Variants in NCKAP5 observed in about 807,000 individuals in gnomAD.
The protein encoded by NCKAP5 is nck-associated protein 5.
A neutral mutation model predicts 167.0 loss-of-function variants in NCKAP5; 92 were observed. That is an observed-to-expected ratio of 0.55 (90% CI 0.47 to 0.66). The LOEUF is 0.66. NCKAP5 is among the 30% of genes least tolerant of loss of function. The pLI is 0.00. For synonymous variants in NCKAP5, 891 were observed against 877.4 expected, an observed-to-expected ratio of 1.02 and a Z score of -0.27; for missense variants, 2,378 against 2,315.0, an observed-to-expected ratio of 1.03 and a Z score of -0.56.
chr2:133,211,381 C>T (rs1049479654), intron 5 of NCKAP5, among the ~76,000 whole-genome samples: 2 of 152,090 alleles, frequency 1.3e-5, no homozygotes, highest in African/African-American at 2.4e-5. Context: ...CAGGCATGCA[C>T]CACCACGCCT....
chr2:133,045,343 A>G (rs2079358943), intron 6 of NCKAP5, among the ~76,000 whole-genome samples: 1 of 151,920 alleles, frequency 6.6e-6, no homozygotes, highest in Non-Finnish European at 1.5e-5. Context: ...TAGACTTGAG[A>G]CCCATGAAAA....
chr2:132,769,791 A>G (rs1416952390), intron 16 of NCKAP5, among the ~76,000 whole-genome samples: 2 of 152,196 alleles, frequency 1.3e-5, no homozygotes, highest in Non-Finnish European at 2.9e-5. Context: ...GATGTAGTCT[A>G]TGGGGGAACT....
chr2:133,148,232 A>C (rs1291962490), intron 5 of NCKAP5, among the ~76,000 whole-genome samples: 1 of 152,112 alleles, frequency 6.6e-6, no homozygotes, highest in Non-Finnish European at 1.5e-5. Context: ...TATGGAAGCC[A>C]TTTCCACTGT....
At chr2:133,320,698 A>G (rs1363675128) in intron 3 of NCKAP5, among the ~76,000 whole-genome samples, 1 of 152,188 alleles carries the variant, frequency 6.6e-6, no homozygotes, top group Non-Finnish European at 1.5e-5. Flanking sequence ...ACTGCACTCC[A>G]GCGAGACTCT....
intron 5 of NCKAP5, among the ~76,000 whole-genome samples, chr2:133,152,918 A>G (rs1346673413): frequency 6.6e-6 from 1 of 152,218 alleles, no homozygotes; most frequent in Non-Finnish European, 1.5e-5. Flanking sequence ...AGGCCATACC[A>G]TATAGCCTAG....
chr2:132,680,137 A>G (rs959049845), intron 19 of NCKAP5, among the ~76,000 whole-genome samples: 2 of 152,142 alleles, frequency 1.3e-5, no homozygotes, highest in African/African-American at 2.4e-5. Flanking sequence ...TCAAATTTCA[A>G]CTTGGATATT....
Position 132,767,106 on chromosome 2 carries a change from C to CT in NCKAP5, c.5128+6709dup, listed in dbSNP as rs985669117. On this transcript the variant is annotated intron_variant, in intron 16 of 19. Transcript: ENST00000409261. ...AGTAGGGTTCTACCACAAAACAACT[C>CT]TTTTTTCCCCGGCAATGATTCTTGT... is the stretch of plus-strand genomic sequence containing the variant. Among the ~76,000 whole-genome samples, 13 of 152,272 alleles carry CT rather than the reference C, an allele frequency of 8.5e-5. No individual in the cohort carries two copies. In the East Asian group the frequency reaches 2.1e-3, roughly 25 times the overall value.
intron 8 of NCKAP5, among the ~76,000 whole-genome samples, chr2:132,884,302 C>A (rs997733197): frequency 3.3e-5 from 5 of 152,212 alleles, no homozygotes; most frequent in African/African-American, 1.2e-4. Flanking sequence ...TGTTTCTTCT[C>A]TTCATTCTTC....
intron 3 of NCKAP5, chr2:133,381,535 T>C (rs527317408): frequency 2.2e-4 from 34 of 152,216 alleles, no homozygotes; most frequent in Non-Finnish European, 4.7e-4. Flanking sequence ...TTGTTTAGTG[T>C]AGGCAAAGAT....
At chr2:133,127,157 C>T (rs1386149238) in intron 6 of NCKAP5, among the ~76,000 whole-genome samples, 1 of 152,036 alleles carries the variant, frequency 6.6e-6, no homozygotes, top group African/African-American at 2.4e-5. Context: ...CTAACCCCGT[C>T]CAAGGGTGAT....
At chr2:133,613,019 G>T in the NCKAP5 span, among the ~76,000 whole-genome samples, 8 of 152,270 alleles carry the variant, frequency 5.3e-5, no homozygotes, top group Middle Eastern at 3.4e-3. Flanking sequence ...AGTTTCTGAG[G>T]GCTAAGAGGA....
At position 132,672,145 on chromosome 2, in the gene NCKAP5, G is replaced by A. The variant is rs1033621124; in HGVS notation, c.*1144C>T. ...AAAAGGATATTAAAAAGAATTCTTC[G>A]TAGCACCATTAATTTTATTTTTAAA... is the stretch of plus-strand genomic sequence containing the variant. On this transcript the variant is annotated 3_prime_UTR_variant, in exon 20 of 20. Transcript: ENST00000409261. 6.6e-6 allele frequency: 1 copy of A among 152,466 alleles called. No homozygotes were observed. Among genetic ancestry groups the A allele is most frequent in the Non-Finnish European group, 1.5e-5 (1 of 68,016 alleles). 9.4% of individuals were successfully genotyped at this position (152,466 alleles called of 1,614,324 possible).
chr2:133,567,337 T>C (rs2105053951), intron 1 of NCKAP5, among the ~76,000 whole-genome samples: 1 of 152,256 alleles, frequency 6.6e-6, no homozygotes, highest in Admixed American at 6.5e-5. Flanking sequence ...GGCCAGCCGG[T>C]GCAGGTGGGA....
chr2:133,098,373 T>C (rs1472602132), intron 6 of NCKAP5, among the ~76,000 whole-genome samples: 1 of 152,196 alleles, frequency 6.6e-6, no homozygotes, highest in Non-Finnish European at 1.5e-5. Context: ...GAATTGGATA[T>C]TACATCCATA....
chr2:133,162,045 A>T (rs2083814134), intron 5 of NCKAP5, among the ~76,000 whole-genome samples: 1 of 152,220 alleles, frequency 6.6e-6, no homozygotes, highest in Admixed American at 6.5e-5. Context: ...GCAGATTTGC[A>T]CTTACTCATT....
In NCKAP5 at chr2:133,454,790, G is replaced by A. The variant is rs571227745; in HGVS notation, c.69+62668C>T. 7.3e-4 allele frequency among the ~76,000 whole-genome samples: 111 copies of A among 152,068 alleles called. 3 individuals carry two copies. In the South Asian group the frequency reaches 0.023, roughly 31 times the overall value. On this transcript the variant is annotated intron_variant, in intron 3 of 19. Transcript: ENST00000409261. ...TTTCTTTCGAACTCAAAAAAATTAG[G>A]TCAAACTATCTTACCTACAATTATG...
chr2:132,755,851 G>A (rs1018415282), intron 16 of NCKAP5, among the ~76,000 whole-genome samples: 8 of 72,626 alleles, frequency 1.1e-4, no homozygotes, highest in African/African-American at 8.3e-4. Context: ...ATGCTAAATG[G>A]CAAAATAATA....
chr2:133,091,303 C>T (rs779403617), intron 6 of NCKAP5, among the ~76,000 whole-genome samples: 1 of 152,214 alleles, frequency 6.6e-6, no homozygotes, highest in Middle Eastern at 3.2e-3. Context: ...TTTCCTTCCC[C>T]ATGGAAACCT....
At chr2:133,485,091 A>G (rs1199843404) in intron 3 of NCKAP5, among the ~76,000 whole-genome samples, 1 of 152,200 alleles carries the variant, frequency 6.6e-6, no homozygotes, top group Non-Finnish European at 1.5e-5. Flanking sequence ...AGGCCCTTCA[A>G]TGTGCCTTAA....
Sources: allele counts gnomAD v4.1 joint callset (sites outside exome capture counted in the v4.1 genomes callset), GRCh38; gene constraint gnomAD v4.1.1; transcripts MANE v1.5; gene names NCBI Gene and HGNC (gene_info 2026-07-23, HGNC 2026-07-21).